Variants in CCNB3 observed in about 807,000 individuals in gnomAD.
CCNB3 encodes cyclin B3.
A neutral mutation model predicts 68.0 loss-of-function variants in CCNB3; 12 were observed. The ratio of observed to expected loss-of-function variants is 0.18; its 90% CI spans 0.11 to 0.29. The LOEUF (loss-of-function observed/expected upper bound fraction) is 0.29. Among genes scored for constraint, CCNB3 ranks in the 10% least tolerant of loss-of-function variants. The pLI is 1.00. For synonymous variants in CCNB3, 354 were observed against 388.9 expected (o/e 0.91, Z 1.06); for missense variants, 904 against 993.1 (o/e 0.91, Z 1.21).
Position 50,346,633 on chromosome X carries a change from C to T in CCNB3, c.3655-19C>T. 1 of 1,198,498 alleles carries T rather than the reference C, an allele frequency of 8.3e-7. No individual in the cohort carries two copies. Among genetic ancestry groups the T allele is most frequent in the Middle Eastern group, 2.4e-4 (1 of 4,228 alleles). On this transcript the variant is annotated intron_variant, in intron 9 of 12. Coordinates refer to ENST00000376042, the MANE Select transcript of CCNB3 (RefSeq NM_033031.3). ...GGGTTGTCTGTCTGGTTGTCACCTC[C>T]TCTCCTCTCCACCCATAGGAGCACA...
intron 5 of CCNB3, among the ~76,000 whole-genome samples, chrX:50,297,434 A>G (rs1424045748): frequency 2.7e-5 from 3 of 111,242 alleles, no homozygotes; most frequent in Admixed American, 9.6e-5. Flanking sequence ...AAGATCAGAT[A>G]GTTGTTGATG....
rs1936253512 is a variant in CCNB3 at position 50,287,027 on chromosome X, G to A, written c.97-1753G>A. 3.6e-5 allele frequency among the ~76,000 whole-genome samples: 4 copies of A among 112,444 alleles called. No homozygotes were observed. The South Asian group carries it at 1.4e-3, about 41-fold the overall frequency. On this transcript the variant is annotated intron_variant, in intron 3 of 12. Coordinates refer to ENST00000376042, the MANE Select transcript of CCNB3 (RefSeq NM_033031.3). ...CAATTCTGGTAACTTACTGTGCCAT[G>A]TATTAAGTGTTAATGGTACAGCTGG...
upstream of CCNB3, among the ~76,000 whole-genome samples, chrX:50,202,982 G>A (rs1935289744): frequency 9.0e-6 from 1 of 111,635 alleles, no homozygotes; most frequent in Admixed American, 9.5e-5. Flanking sequence ...GAGGGATAAG[G>A]GATATTCAAA....
chrX:50,209,615 CAA>C (rs1339496991), intron 1 of CCNB3, among the ~76,000 whole-genome samples: 1 of 112,098 alleles, frequency 8.9e-6, no homozygotes, highest in Non-Finnish European at 1.9e-5. Context: ...CTTGGTCTCC[CAA>C]AGTGTCGGGA....
intron 11 of CCNB3, among the ~76,000 whole-genome samples, chrX:50,348,255 T>C (rs1923501748): frequency 8.9e-6 from 1 of 112,137 alleles, no homozygotes; most frequent in Non-Finnish European, 1.9e-5. Flanking sequence ...AGTGTTCTTC[T>C]CTGAAGAAGG....
intron 1 of CCNB3, among the ~76,000 whole-genome samples, chrX:50,225,501 G>C (rs1402837981): frequency 9.1e-6 from 1 of 110,490 alleles, no homozygotes; most frequent in Non-Finnish European, 1.9e-5. Context: ...TTCTTAAAAA[G>C]ATTGCTCTTG....
chrX:50,347,347 C>T (rs782471320), intron 10 of CCNB3, among the ~76,000 whole-genome samples: 1 of 109,398 alleles, frequency 9.1e-6, no homozygotes, highest in South Asian at 4.1e-4. Context: ...AAAGAATGAC[C>T]CATATAGCAA....
intron 5 of CCNB3, among the ~76,000 whole-genome samples, chrX:50,299,638 G>T (rs1409920125): frequency 2.7e-5 from 3 of 111,219 alleles, no homozygotes; most frequent in African/African-American, 9.8e-5. Flanking sequence ...TTCTGTAGAT[G>T]TCTACTAGAT....
chrX:50,342,286 G>A lies in CCNB3; in HGVS notation c.3601G>A (p.Asp1201Asn), dbSNP rs781928395. Reference protein sequence around the residue: ...LYLMKAVCKKDKLQLLGATAF... With the variant: ...LYLMKAVCKKNKLQLLGATAF... ...CCTAATGAAGGCAGTATGCAAGAAG[G>A]ATAAGTTACAACTCCTTGGTGCCAC... Residue 1201 changes from aspartate (D) to asparagine (N), a missense_variant, in exon 9 of 13, where the codon GAT (aspartate) becomes AAT (asparagine). Physicochemically the swap from Asp to Asn is conservative, Grantham distance 23. This residue lies in a region of CCNB3 where 285 missense variants were observed against 383.4 expected (regional missense o/e 0.74). Transcript: ENST00000376042. 4 of 1,209,275 alleles carry A rather than the reference G, an allele frequency of 3.3e-6. No homozygotes were observed. The highest frequency in any genetic ancestry group is 4.5e-6 in the Non-Finnish European group (4 of 894,381).
At chrX:50,210,169 T>A (rs1196316531) in intron 1 of CCNB3, among the ~76,000 whole-genome samples, 1 of 111,380 alleles carries the variant, frequency 9.0e-6, no homozygotes, top group African/African-American at 3.3e-5. Flanking sequence ...ACCTTCTCTA[T>A]TAGGCTTTAA....
At chrX:50,343,699 C>G (rs1373137349) in intron 9 of CCNB3, among the ~76,000 whole-genome samples, 1 of 111,400 alleles carries the variant, frequency 9.0e-6, no homozygotes, top group Non-Finnish European at 1.9e-5. Context: ...GAACAAGACC[C>G]TGTCTCAAAA....
chrX:50,349,001 G>T (rs1923541169), intron 11 of CCNB3, among the ~76,000 whole-genome samples: 1 of 112,922 alleles, frequency 8.9e-6, no homozygotes, highest in Non-Finnish European at 1.9e-5. Flanking sequence ...TTCACACTTG[G>T]TGACTAAACC....
intron 8 of CCNB3, among the ~76,000 whole-genome samples, chrX:50,315,987 C>T (rs782499222): frequency 1.6e-4 from 18 of 111,205 alleles, no homozygotes; most frequent in Non-Finnish European, 2.1e-4. Flanking sequence ...AGATGTACCA[C>T]GGTAATATGG....
chrX:50,279,150 GAATA>G (rs1170354510), intron 1 of CCNB3, among the ~76,000 whole-genome samples: 1 of 34,326 alleles, frequency 2.9e-5, no homozygotes, highest in Admixed American at 5.9e-4. Context: ...TAAATATATA[GAATA>G]TATATATTCT....
chrX:50,318,213 T>TA (rs782490765), intron 8 of CCNB3, among the ~76,000 whole-genome samples: 5,802 of 94,048 alleles, frequency 0.062, 361 homozygotes, highest in African/African-American at 0.19. Context: ...ACTCTATTCT[T>TA]AAAAAAAAAA....
intron 1 of CCNB3, among the ~76,000 whole-genome samples, chrX:50,216,457 A>G (rs1935574247): frequency 1.8e-5 from 2 of 108,482 alleles, no homozygotes; most frequent in Admixed American, 2.0e-4. Context: ...TTTAGTAGAG[A>G]CAGGGTTTCA....
chrX:50,343,713 AT>A (rs1417763812), intron 9 of CCNB3, among the ~76,000 whole-genome samples: 1 of 111,589 alleles, frequency 9.0e-6, no homozygotes, highest in Admixed American at 9.5e-5. Flanking sequence ...CTCAAAAGAA[AT>A]TTTTTTTAAA....
At chrX:50,224,102 A>G (rs895575208) in intron 1 of CCNB3, among the ~76,000 whole-genome samples, 19 of 111,181 alleles carry the variant, frequency 1.7e-4, no homozygotes, top group African/African-American at 6.2e-4. Flanking sequence ...TGCCAAATAT[A>G]AATTTTAAAA....
At chrX:50,317,764 T>G (rs1449787214) in intron 8 of CCNB3, among the ~76,000 whole-genome samples, 1 of 109,911 alleles carries the variant, frequency 9.1e-6, no homozygotes, top group Non-Finnish European at 1.9e-5. Context: ...GAGATGAAGT[T>G]TCACCATGTT....
Sources: gnomAD v4.1 joint callset for allele counts (sites outside exome capture counted in the v4.1 genomes callset) on GRCh38, gnomAD v4.1.1 for gene constraint, gnomAD v4.1.1 regional missense constraint, MANE v1.5 for transcripts, NCBI Gene and HGNC (gene_info 2026-07-23, HGNC 2026-07-21) for gene names.